C8orf34: variants seen among roughly 807,000 people sequenced by gnomAD.
The protein encoded by C8orf34 is uncharacterized protein C8orf34.
In C8orf34, 65 loss-of-function variants were observed where a neutral mutation model predicts 68.3. The ratio of observed to expected loss-of-function variants is 0.95; its 90% CI spans 0.78 to 1.17. C8orf34 has a LOEUF of 1.17. Ranked by LOEUF, C8orf34 falls within the 50% of genes most tolerant of loss-of-function variation. The pLI is 0.00. For missense variants in C8orf34, 664 were observed against 655.4 expected, an observed-to-expected ratio of 1.01 and a Z score of -0.14; for synonymous variants, 244 against 241.2, an observed-to-expected ratio of 1.01 and a Z score of -0.11.
chr8:68,355,266 C>T (rs1806700566), intron 1 of C8orf34, among the ~76,000 whole-genome samples: 1 of 152,082 alleles, frequency 6.6e-6, no homozygotes, highest in Non-Finnish European at 1.5e-5. Flanking sequence ...ACAACAAGTG[C>T]ATTTGCCTTT....
intron 5 of C8orf34, among the ~76,000 whole-genome samples, chr8:68,498,479 T>C (rs577097450): frequency 2.1e-4 from 32 of 152,190 alleles, no homozygotes; most frequent in Non-Finnish European, 3.4e-4. Context: ...TCGATAGTGA[T>C]TTGATTGTCT....
At chr8:68,685,574 G>A (rs574861338) in intron 8 of C8orf34, among the ~76,000 whole-genome samples, 1 of 152,202 alleles carries the variant, frequency 6.6e-6, no homozygotes, top group African/African-American at 2.4e-5. Context: ...TTGATCCAGG[G>A]TTTGGATGTG....
At chr8:68,614,719 G>A (rs1818141881) in intron 7 of C8orf34, among the ~76,000 whole-genome samples, 1 of 152,164 alleles carries the variant, frequency 6.6e-6, no homozygotes. Flanking sequence ...AAGTCAGGAA[G>A]CCTGATGCCT....
intron 1 of C8orf34, among the ~76,000 whole-genome samples, chr8:68,403,109 C>G (rs1809030404): frequency 6.6e-6 from 1 of 152,180 alleles, no homozygotes; most frequent in Non-Finnish European, 1.5e-5. Context: ...TGACCTAGAA[C>G]AGACATCAGC....
chr8:68,786,230 A>C (rs979669750), intron 11 of C8orf34, among the ~76,000 whole-genome samples: 1 of 152,104 alleles, frequency 6.6e-6, no homozygotes, highest in Non-Finnish European at 1.5e-5. Flanking sequence ...TGGCTCAATA[A>C]ATTTAAAGTC....
chr8:68,745,296 A>G (rs1424372442), intron 10 of C8orf34, among the ~76,000 whole-genome samples: 1 of 152,146 alleles, frequency 6.6e-6, no homozygotes, highest in Admixed American at 6.5e-5. Flanking sequence ...AAATGTAAAG[A>G]CCATCGAGAC....
chr8:68,505,842 C>T (rs1378955801), intron 5 of C8orf34, among the ~76,000 whole-genome samples: 1 of 151,458 alleles, frequency 6.6e-6, no homozygotes, highest in Non-Finnish European at 1.5e-5. Flanking sequence ...TGAACCAAAA[C>T]TGAAAAACTG....
intron 9 of C8orf34, among the ~76,000 whole-genome samples, chr8:68,720,923 C>G (rs1462817087): frequency 1.3e-5 from 2 of 151,648 alleles, no homozygotes; most frequent in Non-Finnish European, 3.0e-5. Flanking sequence ...GAACTTTTTT[C>G]AGAATGTTCC....
chr8:68,579,824 T>G (rs897060073), intron 7 of C8orf34, among the ~76,000 whole-genome samples: 2 of 152,154 alleles, frequency 1.3e-5, no homozygotes, highest in African/African-American at 4.8e-5. Flanking sequence ...CAAACTATAG[T>G]TTTAACAGTC....
intron 8 of C8orf34, among the ~76,000 whole-genome samples, chr8:68,642,049 T>C (rs1210531340): frequency 6.6e-6 from 1 of 152,210 alleles, no homozygotes; most frequent in Non-Finnish European, 1.5e-5. Context: ...AACTGAGGCA[T>C]GTATTGATTG....
At chr8:68,656,874 A>G (rs1047385355) in intron 8 of C8orf34, among the ~76,000 whole-genome samples, 1 of 152,230 alleles carries the variant, frequency 6.6e-6, no homozygotes, top group Admixed American at 6.5e-5. Context: ...TAATTTATCC[A>G]GTCAACATAA....
chr8:68,576,021 C>T (rs1433059416), intron 7 of C8orf34, among the ~76,000 whole-genome samples: 2 of 134,668 alleles, frequency 1.5e-5, no homozygotes, highest in African/African-American at 5.5e-5. Flanking sequence ...GTTATTTGGA[C>T]GTCAGAAATG....
intron 3 of C8orf34, among the ~76,000 whole-genome samples, chr8:68,450,566 G>A (rs963163995): frequency 1.3e-5 from 2 of 152,128 alleles, no homozygotes; most frequent in African/African-American, 4.8e-5. Flanking sequence ...TAGATATTGT[G>A]TTAACAGACA....
rs142623373 is a variant in C8orf34, at chr8:68,380,977, A to T, written c.327+49638A>T. On this transcript the variant is annotated intron_variant, in intron 1 of 13. Coordinates refer to ENST00000518698, the MANE Select transcript of C8orf34 (RefSeq NM_052958.4). Reference sequence around the variant, plus strand: ...GATAAAATATAAGCAAAAAAATGACAGTGAGATAAGTTGTCCTAGAGAAAA... The same window carrying T: ...GATAAAATATAAGCAAAAAAATGACTGTGAGATAAGTTGTCCTAGAGAAAA... Among the ~76,000 whole-genome samples the T allele has an allele frequency of 5.2e-3, 798 of 152,348 alleles. 9 individuals carry two copies. The highest frequency in any genetic ancestry group is 0.017 in the African/African-American group (725 of 41,582).
chr8:68,790,801 G>T (rs1823973024), intron 12 of C8orf34: 2 of 691,712 alleles, frequency 2.9e-6, no homozygotes, highest in African/African-American at 1.8e-5. Context: ...TCATATTCTG[G>T]GACTCTATTT....
chr8:68,597,654 A>T (rs1168029513), intron 7 of C8orf34, among the ~76,000 whole-genome samples: 1 of 151,990 alleles, frequency 6.6e-6, no homozygotes, highest in African/African-American at 2.4e-5. Context: ...TTTGGCGACC[A>T]AGGAAGAACC....
At chr8:68,369,057 A>G (rs1807439690) in intron 1 of C8orf34, among the ~76,000 whole-genome samples, 1 of 152,198 alleles carries the variant, frequency 6.6e-6, no homozygotes. Context: ...TTTCTAGTTT[A>G]TATGCTGTTA....
At chr8:68,385,717 G>A (rs950237312) in intron 1 of C8orf34, among the ~76,000 whole-genome samples, 3 of 152,086 alleles carry the variant, frequency 2.0e-5, no homozygotes, top group Non-Finnish European at 4.4e-5. Context: ...TGTATAAGAT[G>A]GAGAAATGTG....
At chr8:68,355,248 A>G (rs1292444085) in intron 1 of C8orf34, among the ~76,000 whole-genome samples, 1 of 152,070 alleles carries the variant, frequency 6.6e-6, no homozygotes, top group African/African-American at 2.4e-5. Context: ...CCACCACCAA[A>G]CACACACACA....
Sources: allele counts gnomAD v4.1 joint callset (sites outside exome capture counted in the v4.1 genomes callset), GRCh38; gene constraint gnomAD v4.1.1; transcripts MANE v1.5; gene names NCBI Gene and HGNC (gene_info 2026-07-23, HGNC 2026-07-21).